The following IVNS1ABP variants were observed in gnomAD, a reference collection of about 807,000 sequenced individuals.
The protein encoded by IVNS1ABP is influenza virus NS1A binding protein.
In IVNS1ABP, 25 loss-of-function variants were observed where a neutral mutation model predicts 78.9. That is an observed-to-expected ratio of 0.32 (90% CI 0.23 to 0.44). The LOEUF (loss-of-function observed/expected upper bound fraction) is 0.44, where lower values mean the gene tolerates loss of function less well. Among genes scored for constraint, IVNS1ABP ranks in the 20% least tolerant of loss-of-function variants. The probability of loss-of-function intolerance (pLI) is 1.00; values close to 1 mark genes in which losing one functional copy is unlikely to be tolerated. For missense variants in IVNS1ABP, 494 were observed against 768.9 expected (o/e 0.64, Z 4.23); for synonymous variants, 241 against 259.7 (o/e 0.93, Z 0.69).
intron 1 of IVNS1ABP, among the ~76,000 whole-genome samples, chr1:185,315,950 T>C (rs1298304717): frequency 6.6e-6 from 1 of 152,186 alleles, no homozygotes; most frequent in East Asian, 1.9e-4. Context: ...GGACATCTGA[T>C]TTCTCCTTGA....
At chr1:185,312,000 T>C (rs1216255758) in intron 1 of IVNS1ABP, among the ~76,000 whole-genome samples, 8 of 152,250 alleles carry the variant, frequency 5.3e-5, no homozygotes, top group Non-Finnish European at 8.8e-5. Flanking sequence ...CTTGTTTATC[T>C]TCCTTGACTC....
At chr1:185,314,923 A>G (rs1477635161) in intron 1 of IVNS1ABP, among the ~76,000 whole-genome samples, 1 of 152,208 alleles carries the variant, frequency 6.6e-6, no homozygotes, top group Non-Finnish European at 1.5e-5. Context: ...CTGCATGTTA[A>G]TAACAAAAAT....
At chr1:185,311,478 A>C (rs1244289978) in intron 1 of IVNS1ABP, among the ~76,000 whole-genome samples, 156 bp from the exon 2 acceptor site, 1 of 152,000 alleles carries the variant, frequency 6.6e-6, no homozygotes, top group African/African-American at 2.4e-5. Flanking sequence ...ACACAAATGC[A>C]ATTCCACATA....
Position 185,300,061 on chromosome 1 carries a change from T to G in IVNS1ABP, c.1439A>C (p.Lys480Thr). 3 of 1,613,526 alleles carry G rather than the reference T, an allele frequency of 1.9e-6. No individual in the cohort carries two copies. The highest frequency in any genetic ancestry group is 2.5e-6 in the Non-Finnish European group (3 of 1,179,714). ...GSDPYGQKGL[K>T]NCDVFDPVTK... Reference sequence around the variant, plus strand: ...TACAGGATCAAATACATCACAATTTTTCAGTCCTTTTTGACCATATGGATC... The same window carrying G: ...TACAGGATCAAATACATCACAATTTGTCAGTCCTTTTTGACCATATGGATC... Residue 480 changes from lysine to threonine, a missense_variant, in exon 13 of 15, where the codon AAA becomes ACA. Physicochemically the swap from Lys to Thr is moderately conservative, Grantham distance 78. Coordinates refer to ENST00000367498, the MANE Select transcript of IVNS1ABP (RefSeq NM_006469.5).
At chr1:185,302,528 A>C (rs1272020854) in intron 8 of IVNS1ABP, among the ~76,000 whole-genome samples, 1 of 152,154 alleles carries the variant, frequency 6.6e-6, no homozygotes, top group Non-Finnish European at 1.5e-5. Flanking sequence ...TTTCTAATGG[A>C]AATTTCTGTT....
chr1:185,315,239 T>C lies in IVNS1ABP; in HGVS notation c.-247+1714A>G, dbSNP rs1227119010. ...TACTTCCTTAACAGGAAAACATTTA[T>C]ATTTAAAAACGTATTTGCAAAACTA... On this transcript the variant is annotated intron_variant, in intron 1 of 14. Transcript: ENST00000367498. Among the ~76,000 whole-genome samples the C allele has an allele frequency of 1.3e-5, 2 of 152,258 alleles. 1 individual carries two copies. Among genetic ancestry groups the C allele is most frequent in the Admixed American group, 1.3e-4 (2 of 15,284 alleles).
rs374781357 is a variant in IVNS1ABP at position 185,309,068 on chromosome 1, G to A, written c.216C>T (p.His72=). The change falls in exon 4 of 15, where the codon CAC becomes CAT. Residue 72 remains histidine, a synonymous_variant. Transcript: ENST00000367498. ...NSDSDPHGIS[H]VKFDDLNPEA... ...CTGGATTGAGATCATCAAATTTAAC[G>A]TGAGAAATTCCATGAGGATCACTAT... The A allele has an allele frequency of 1.3e-5, 21 of 1,613,048 alleles. No homozygotes were observed. The highest frequency in any genetic ancestry group is 2.7e-5 in the African/African-American group (2 of 74,852).
intron 9 of IVNS1ABP, 101 bp downstream of exon 9, chr1:185,301,333 G>T (rs950080607): frequency 1.3e-6 from 2 of 1,491,936 alleles, no homozygotes. Context: ...TTGCTTCTGA[G>T]TTTTTTCCTC....
intron 1 of IVNS1ABP, among the ~76,000 whole-genome samples, chr1:185,316,503 ACCCC>A (rs1666035054): frequency 6.6e-6 from 1 of 151,846 alleles, no homozygotes; most frequent in Admixed American, 6.5e-5. Flanking sequence ...AGAATCCCAA[ACCCC>A]AGGCAAACCC....
chr1:185,306,882 G>C (rs1665752637), intron 7 of IVNS1ABP, 132 bp downstream of exon 7: 1 of 993,106 alleles, frequency 1.0e-6, no homozygotes. Flanking sequence ...CTGTTTCTCA[G>C]CTTAGGGGTA....
chr1:185,314,188 A>C (rs1665956119), intron 1 of IVNS1ABP, among the ~76,000 whole-genome samples: 1 of 152,228 alleles, frequency 6.6e-6, no homozygotes, highest in Non-Finnish European at 1.5e-5. Context: ...CAGCTTTCCA[A>C]AGTAACCTCT....
Position 185,300,047 on chromosome 1 carries a change from A to C in IVNS1ABP, c.1453T>G (p.Phe485Val), listed in dbSNP as rs753975922. 1.2e-5 allele frequency: 20 copies of C among 1,613,584 alleles called. No homozygotes were observed. ...GQKGLKNCDV[F>V]DPVTKLWTSC... is the part of the protein sequence containing the mutation. ...GTCCACAACTTTGTTACAGGATCAA[A>C]TACATCACAATTTTTCAGTCCTTTT... is the stretch of plus-strand genomic sequence containing the variant. Residue 485 changes from phenylalanine to valine, a missense_variant, in exon 13 of 15, where the codon TTT (phenylalanine) becomes GTT (valine). Transcript: ENST00000367498.
In IVNS1ABP at chr1:185,317,217, G is replaced by A; in HGVS notation, c.-511C>T. 1 of 398,240 alleles carries A rather than the reference G, an allele frequency of 2.5e-6. No individual in the cohort carries two copies. Among genetic ancestry groups the A allele is most frequent in the East Asian group, 3.6e-5 (1 of 28,036 alleles). 24.7% of individuals were successfully genotyped at this position (398,240 alleles called of 1,614,324 possible). A position where few individuals can be genotyped will look rare whatever the true frequency, so the allele number is the denominator to read the frequency against. On this transcript the variant is annotated 5_prime_UTR_variant, in exon 1 of 15. Transcript: ENST00000367498. Reference sequence around the variant, plus strand: ...CTGCGCCCAGCAGCTCTGAGCGACCGACCTCCACGCGCGACCGGGAGACAC... The same window carrying A: ...CTGCGCCCAGCAGCTCTGAGCGACCAACCTCCACGCGCGACCGGGAGACAC...
In IVNS1ABP at chr1:185,301,524, T is replaced by C. The variant is rs1477127355; in HGVS notation, c.805A>G (p.Ser269Gly). Residue 269 changes from serine to glycine, a missense_variant, in exon 9 of 15, where the codon AGC (serine) becomes GGC (glycine). Coordinates refer to ENST00000367498, the MANE Select transcript of IVNS1ABP (RefSeq NM_006469.5). The part of the protein sequence containing the change: ...PRENGHKQIS[S>G]SSTGCLSSPN... Reference sequence around the variant, plus strand: ...GAAGAGAGACATCCAGTTGAACTGCTACTTATCTGCTTATGGCCATTCTCA... The same window carrying C: ...GAAGAGAGACATCCAGTTGAACTGCCACTTATCTGCTTATGGCCATTCTCA... The C allele has an allele frequency of 1.2e-6, 2 of 1,613,202 alleles. No individual in the cohort carries two copies. Among genetic ancestry groups the C allele is most frequent in the Non-Finnish European group, 1.7e-6 (2 of 1,179,368 alleles).
chr1:185,308,770 A>C, intron 5 of IVNS1ABP, 30 bp downstream of exon 5: 1 of 1,518,282 alleles, frequency 6.6e-7, no homozygotes, highest in Non-Finnish European at 9.0e-7. Flanking sequence ...AAGACTCCAT[A>C]AATGATTTTA....
rs761255618 is a variant in IVNS1ABP, at chr1:185,301,451, G to C, written c.878C>G (p.Ala293Gly). The change falls in exon 9 of 15, where the codon GCT becomes GGT. Residue 293 changes from alanine (A) to glycine (G), a missense_variant. Transcript: ENST00000367498. ...QSPKHEWKIV[A>G]SEKTSNNTYL... Reference sequence around the variant, plus strand: ...ATACTTACTTGAAGTCTTTTCTGAAGCAACGATTTTCCACTCATGCTTAGG... The same window carrying C: ...ATACTTACTTGAAGTCTTTTCTGAACCAACGATTTTCCACTCATGCTTAGG... 3.1e-6 allele frequency: 5 copies of C among 1,613,152 alleles called. No homozygotes were observed. The highest frequency in any genetic ancestry group is 4.2e-6 in the Non-Finnish European group (5 of 1,179,398).
intron 1 of IVNS1ABP, among the ~76,000 whole-genome samples, chr1:185,315,593 T>C (rs1665996074): frequency 6.6e-6 from 1 of 152,248 alleles, no homozygotes; most frequent in South Asian, 2.1e-4. Flanking sequence ...GATACTAGTC[T>C]CAATTCAATT....
At position 185,307,008 on chromosome 1, in the gene IVNS1ABP, A is replaced by G; in HGVS notation, c.657+6T>C. ...ATGGTTGAATCCCATTTACTTTAAA[A>G]CTAACCTCTTCCATCAGCTCTTCCA... On this transcript the variant is annotated splice_donor_region_variant and intron_variant, in intron 7 of 14. Coordinates refer to ENST00000367498, the MANE Select transcript of IVNS1ABP (RefSeq NM_006469.5). 6.2e-7 allele frequency: 1 copy of G among 1,612,952 alleles called. No homozygotes were observed. Among genetic ancestry groups the G allele is most frequent in the African/African-American group, 1.3e-5 (1 of 74,970 alleles).
In IVNS1ABP at chr1:185,298,340, A is replaced by G; in HGVS notation, c.1676-52T>C. On this transcript the variant is annotated intron_variant, in intron 14 of 14. Coordinates refer to ENST00000367498, the MANE Select transcript of IVNS1ABP (RefSeq NM_006469.5). The surrounding 1 kb of genome is among the most constrained non-coding windows in gnomAD (Gnocchi z 4.1). ...TCCAGAGATTAAAGTGTAATAAGGT[A>G]AAACTCCCCTAAATCTGTCTTTTGC... The G allele has an allele frequency of 2.0e-6, 3 of 1,509,854 alleles. No individual in the cohort carries two copies. Among genetic ancestry groups the G allele is most frequent in the Non-Finnish European group, 2.7e-6 (3 of 1,102,992 alleles). The allele number at this position is 1,509,854 out of a possible 1,614,324, so 93.5% of individuals were successfully genotyped here. A position where few individuals can be genotyped will look rare whatever the true frequency, so the allele number is the denominator to read the frequency against.
Sources: allele counts gnomAD v4.1 joint callset (sites outside exome capture counted in the v4.1 genomes callset), GRCh38; gene constraint gnomAD v4.1.1; non-coding constraint Gnocchi (gnomAD v3.1); transcripts MANE v1.5; gene names NCBI Gene and HGNC (gene_info 2026-07-23, HGNC 2026-07-21).